Variants in BLTP3A observed in about 807,000 individuals in gnomAD.
BLTP3A encodes bridge-like lipid transfer protein family member 3A, also known as ICBP90 binding protein 1.
chr6:34,835,541 A>G, the BLTP3A span: 1 of 1,468,450 alleles, frequency 6.8e-7, no homozygotes, highest in Non-Finnish European at 9.2e-7. Context: ...ATGTAGGTGG[A>G]ATCTAGACTT....
At chr6:34,834,629 T>C in the BLTP3A span, 7 of 1,504,608 alleles carry the variant, frequency 4.7e-6, no homozygotes, top group Non-Finnish European at 6.3e-6. Context: ...GTGCTGGGAG[T>C]CTCTGCCTTG....
the BLTP3A span, chr6:34,834,711 C>T: frequency 1.2e-5 from 19 of 1,612,442 alleles, no homozygotes; most frequent in Admixed American, 2.5e-4. Flanking sequence ...TGTACTTTCT[C>T]TCCTTCCAGG....
At chr6:34,855,535 A>G in the BLTP3A span, 1 of 1,524,426 alleles carries the variant, frequency 6.6e-7, no homozygotes, top group Non-Finnish European at 9.0e-7. Context: ...GCTGGTCGTT[A>G]AGAGGACTTC....
chr6:34,855,502 C>T, the BLTP3A span: 5 of 1,217,066 alleles, frequency 4.1e-6, no homozygotes, highest in African/African-American at 4.5e-5. Flanking sequence ...TTGGCTGCAC[C>T]GTGTTATCAG....
At chr6:34,850,242 C>G in the BLTP3A span, among the ~76,000 whole-genome samples, 1 of 152,096 alleles carries the variant, frequency 6.6e-6, no homozygotes, top group Non-Finnish European at 1.5e-5. Context: ...TATTGAAGCT[C>G]CTTTGAATGT....
chr6:34,857,725 T>A, the BLTP3A span: 1 of 1,613,174 alleles, frequency 6.2e-7, no homozygotes, highest in Non-Finnish European at 8.5e-7. Flanking sequence ...GCTTTCCAGT[T>A]CCTTGTCCTA....
the BLTP3A span, among the ~76,000 whole-genome samples, chr6:34,841,097 G>T: frequency 6.6e-6 from 1 of 152,110 alleles, no homozygotes; most frequent in East Asian, 1.9e-4. Flanking sequence ...AGCCGCCTGG[G>T]TAGCTGGGAC....
At chr6:34,852,752 C>T in the BLTP3A span, among the ~76,000 whole-genome samples, 1 of 141,762 alleles carries the variant, frequency 7.1e-6, no homozygotes, top group African/African-American at 2.9e-5. Context: ...CAGGAATTAA[C>T]AATCCTTGTG....
At chr6:34,856,332 T>C in the BLTP3A span, 10 of 1,614,098 alleles carry the variant, frequency 6.2e-6, no homozygotes, top group Non-Finnish European at 8.5e-6. Context: ...CAGAGCAAAA[T>C]GGAGAAGTGG....
the BLTP3A span, chr6:34,858,891 G>A: frequency 7.4e-6 from 12 of 1,614,162 alleles, no homozygotes; most frequent in Admixed American, 1.0e-4. Context: ...AGGAGGTGCT[G>A]CAGAGGCTTC....
the BLTP3A span, chr6:34,835,293 G>C: frequency 6.2e-7 from 1 of 1,613,748 alleles, no homozygotes; most frequent in Non-Finnish European, 8.5e-7. Context: ...GGCTTCCTCA[G>C]ACCAAAGATT....
At chr6:34,825,886 A>G in the BLTP3A span, among the ~76,000 whole-genome samples, 1 of 152,018 alleles carries the variant, frequency 6.6e-6, no homozygotes, top group African/African-American at 2.4e-5. Flanking sequence ...TTTGTATACA[A>G]GTTTTTGTGT....
At chr6:34,802,272 C>T in the BLTP3A span, among the ~76,000 whole-genome samples, 22 of 151,982 alleles carry the variant, frequency 1.4e-4, no homozygotes, top group African/African-American at 4.6e-4. Context: ...ACGGTGCGAT[C>T]GTAGCTCACT....
chr6:34,794,779 A>G, the BLTP3A span, among the ~76,000 whole-genome samples: 1 of 138,734 alleles, frequency 7.2e-6, no homozygotes, highest in East Asian at 2.1e-4. Context: ...CTATGAACGT[A>G]GAGTTTTTTT....
the BLTP3A span, among the ~76,000 whole-genome samples, chr6:34,860,294 C>G: frequency 4.6e-5 from 7 of 152,144 alleles, no homozygotes; most frequent in Admixed American, 4.6e-4. Context: ...CAGGAAAACA[C>G]AGAAATGCAC....
chr6:34,810,354 G>C, the BLTP3A span, among the ~76,000 whole-genome samples: 99 of 152,340 alleles, frequency 6.5e-4, no homozygotes, highest in African/African-American at 2.3e-3. Flanking sequence ...CTCTTGCTGA[G>C]ATGACATGAT....
the BLTP3A span, chr6:34,871,200 C>T: frequency 6.9e-7 from 1 of 1,440,262 alleles, no homozygotes. Context: ...GCAGTGACAC[C>T]TGTTAACCTC....
chr6:34,863,896 A>G, the BLTP3A span: 3 of 1,099,970 alleles, frequency 2.7e-6, no homozygotes, highest in Non-Finnish European at 3.8e-6. Context: ...TAATATTGGG[A>G]ACTTTATCCA....
At chr6:34,808,540 A>G in the BLTP3A span, among the ~76,000 whole-genome samples, 1 of 151,992 alleles carries the variant, frequency 6.6e-6, no homozygotes, top group Non-Finnish European at 1.5e-5. Flanking sequence ...TTATCATTAT[A>G]GATCGTACAG....
Sources: allele counts gnomAD v4.1 joint callset (sites outside exome capture counted in the v4.1 genomes callset), GRCh38; gene constraint gnomAD v4.1.1; transcripts MANE v1.5; gene names NCBI Gene and HGNC (gene_info 2026-07-23, HGNC 2026-07-21).